The following PTPRM variants were observed in gnomAD, a reference collection of about 807,000 sequenced individuals.
PTPRM encodes protein tyrosine phosphatase receptor type M.
A neutral mutation model predicts 186.7 loss-of-function variants in PTPRM; 47 were observed. The observed-to-expected ratio is 0.25, with a 90% CI of 0.20 to 0.32. The LOEUF (loss-of-function observed/expected upper bound fraction) is 0.32. Ranked by LOEUF, PTPRM falls within the 10% of genes least tolerant of loss-of-function variation. The pLI, the probability that PTPRM is intolerant of heterozygous loss-of-function variation, is 1.00. For synonymous variants in PTPRM, 668 were observed against 674.9 expected (o/e 0.99, Z 0.16); for missense variants, 1,494 against 1,865.0 (o/e 0.80, Z 3.66).
intron 2 of PTPRM, among the ~76,000 whole-genome samples, chr18:7,822,286 T>A (rs1336740027): frequency 6.6e-6 from 1 of 152,210 alleles, no homozygotes; most frequent in African/African-American, 2.4e-5. Flanking sequence ...TGGGCTATAA[T>A]GTGGAAATAT....
At chr18:7,960,388 A>G (rs947757888) in intron 7 of PTPRM, among the ~76,000 whole-genome samples, 1 of 151,260 alleles carries the variant, frequency 6.6e-6, no homozygotes, top group Non-Finnish European at 1.5e-5. Context: ...GTAGAGTGAC[A>G]AGATTTCTGT....
rs549388203 is a variant in PTPRM, at chr18:7,572,319, T to G, written c.73+4428T>G. 9.8e-5 allele frequency among the ~76,000 whole-genome samples: 15 copies of G among 152,322 alleles called. No individual in the cohort carries two copies. In the East Asian group the frequency reaches 2.9e-3, roughly 29 times the overall value. On this transcript the variant is annotated intron_variant, in intron 1 of 32. Coordinates refer to ENST00000580170, the MANE Select transcript of PTPRM (RefSeq NM_001105244.2). ...TAATGAACAAGTAATTTGAATTATG[T>G]CTTCAGATTATATAAATTCTTTATA...
chr18:8,142,552 T>G (rs1390314748), intron 13 of PTPRM, among the ~76,000 whole-genome samples: 2 of 152,092 alleles, frequency 1.3e-5, no homozygotes, highest in Non-Finnish European at 2.9e-5. Context: ...TCAGACACAG[T>G]GACAACTAAG....
chr18:8,016,628 A>G (rs2084887211), intron 7 of PTPRM, among the ~76,000 whole-genome samples: 1 of 152,180 alleles, frequency 6.6e-6, no homozygotes, highest in East Asian at 1.9e-4. Flanking sequence ...TGGTACATTC[A>G]AAAGGAACTG....
intron 1 of PTPRM, among the ~76,000 whole-genome samples, chr18:7,702,365 T>G (rs539259367): frequency 2.0e-5 from 3 of 152,196 alleles, no homozygotes; most frequent in Non-Finnish European, 4.4e-5. Flanking sequence ...GCTTCTTGAC[T>G]TTTTAATGAT....
At chr18:8,340,142 C>T (rs1262607219) in intron 22 of PTPRM, among the ~76,000 whole-genome samples, 2 of 152,200 alleles carry the variant, frequency 1.3e-5, no homozygotes, top group Admixed American at 6.5e-5. Flanking sequence ...GCAGAAGGAA[C>T]GGCCGCCAAG....
At chr18:8,303,531 G>A (rs1211633119) in intron 20 of PTPRM, among the ~76,000 whole-genome samples, 10 of 152,152 alleles carry the variant, frequency 6.6e-5, no homozygotes, top group African/African-American at 7.2e-5. Flanking sequence ...CTGGCAGAGC[G>A]AGCTTTTGGC....
rs1170562385 is a variant in PTPRM, at chr18:7,739,352, TGAATAA to T, written c.74-34793_74-34788del. On this transcript the variant is annotated intron_variant, in intron 1 of 32. Coordinates refer to ENST00000580170, the MANE Select transcript of PTPRM (RefSeq NM_001105244.2). ...TGATGGCCAGCCACTATGCTGAACT[TGAATAA>T]GAAAATTGCTCAAATTTGCTTTCTG... 2.6e-5 allele frequency among the ~76,000 whole-genome samples: 4 copies of T among 152,360 alleles called. No individual in the cohort carries two copies. The East Asian group carries it at 7.7e-4, about 29-fold the overall frequency.
chr18:8,211,835 G>A (rs2094010185), intron 14 of PTPRM, among the ~76,000 whole-genome samples: 1 of 152,144 alleles, frequency 6.6e-6, no homozygotes, highest in Non-Finnish European at 1.5e-5. Flanking sequence ...GAAACGAAGG[G>A]TGAATGGACT....
intron 3 of PTPRM, among the ~76,000 whole-genome samples, chr18:7,905,195 T>G (rs901943047): frequency 1.3e-5 from 2 of 152,162 alleles, no homozygotes; most frequent in African/African-American, 4.8e-5. Context: ...GGTTTCACCA[T>G]ATTGGCCAGC....
chr18:7,836,244 G>T (rs545363392), intron 2 of PTPRM, among the ~76,000 whole-genome samples: 225 of 151,972 alleles, frequency 1.5e-3, no homozygotes, highest in African/African-American at 4.1e-3. Flanking sequence ...TGGCTTTTTT[G>T]TGTGTGTGTA....
intron 24 of PTPRM, among the ~76,000 whole-genome samples, chr18:8,371,445 C>G (rs2095662321): frequency 6.6e-6 from 1 of 152,160 alleles, no homozygotes; most frequent in African/African-American, 2.4e-5. Flanking sequence ...CCTGGAATCT[C>G]TCACTTCCTT....
intron 21 of PTPRM, among the ~76,000 whole-genome samples, chr18:8,317,987 C>T (rs1046669462): frequency 2.6e-5 from 4 of 152,112 alleles, no homozygotes; most frequent in African/African-American, 9.7e-5. Context: ...AATTTGAGAC[C>T]TACAGCAAGT....
At chr18:7,981,472 C>T (rs1004381993) in intron 7 of PTPRM, among the ~76,000 whole-genome samples, 1 of 152,138 alleles carries the variant, frequency 6.6e-6, no homozygotes, top group African/African-American at 2.4e-5. Flanking sequence ...CATGGAGCCA[C>T]TTACATCAAT....
chr18:8,037,243 T>C (rs2086391977), intron 7 of PTPRM, among the ~76,000 whole-genome samples: 1 of 152,208 alleles, frequency 6.6e-6, no homozygotes, highest in Admixed American at 6.5e-5. Flanking sequence ...AATACCTTCA[T>C]TAGTTACAAT....
In PTPRM at chr18:7,647,511, A is replaced by G. The variant is rs536515657; in HGVS notation, c.73+79620A>G. 7.9e-5 allele frequency among the ~76,000 whole-genome samples: 12 copies of G among 152,342 alleles called. No homozygotes were observed. The East Asian group carries it at 2.3e-3, about 29-fold the overall frequency. On this transcript the variant is annotated intron_variant, in intron 1 of 32. Transcript: ENST00000580170. ...ATGGGCAGTGAGAGGGAATATATGA[A>G]GATACAGTTTCCTACAAGATGGTGA...
At chr18:7,766,511 C>G (rs2042021687) in intron 1 of PTPRM, among the ~76,000 whole-genome samples, 1 of 152,218 alleles carries the variant, frequency 6.6e-6, no homozygotes. Context: ...GGGGCTGCAC[C>G]TGCAGGACTC....
At chr18:8,280,017 T>C (rs2094883593) in intron 19 of PTPRM, among the ~76,000 whole-genome samples, 2 of 151,256 alleles carry the variant, frequency 1.3e-5, no homozygotes, top group African/African-American at 4.9e-5. Context: ...TTCCATTTAA[T>C]GTGTGTGCAG....
chr18:8,026,896 T>C (rs2085606273), intron 7 of PTPRM, among the ~76,000 whole-genome samples: 1 of 152,166 alleles, frequency 6.6e-6, no homozygotes, highest in Non-Finnish European at 1.5e-5. Flanking sequence ...AAGCTTGTCA[T>C]TTTTTAAAAA....
Sources: gnomAD v4.1 joint callset for allele counts (sites outside exome capture counted in the v4.1 genomes callset) on GRCh38, gnomAD v4.1.1 for gene constraint, MANE v1.5 for transcripts, NCBI Gene and HGNC (gene_info 2026-07-23, HGNC 2026-07-21) for gene names.